Variants in WDR70 observed in about 807,000 individuals in gnomAD.
The protein encoded by WDR70 is WD repeat domain 70.
Under a neutral mutation model 88.6 loss-of-function variants are expected in WDR70, and 53 were observed. The observed-to-expected ratio is 0.60, with a 90% CI of 0.48 to 0.75. The LOEUF (loss-of-function observed/expected upper bound fraction) is 0.75, where lower values mean the gene tolerates loss of function less well. Among genes scored for constraint, WDR70 ranks in the 30% least tolerant of loss-of-function variants. The pLI is 0.00. For missense variants in WDR70, 610 were observed against 823.2 expected, an observed-to-expected ratio of 0.74 and a Z score of 3.17; for synonymous variants, 280 against 270.0, an observed-to-expected ratio of 1.04 and a Z score of -0.36.
chr5:37,717,743 T>C (rs1747690930), intron 13 of WDR70, among the ~76,000 whole-genome samples: 1 of 152,190 alleles, frequency 6.6e-6, no homozygotes, highest in African/African-American at 2.4e-5. Flanking sequence ...AGGGATTGTT[T>C]GGTTTGGCAG....
intron 10 of WDR70, among the ~76,000 whole-genome samples, chr5:37,622,505 A>G (rs1744535999): frequency 6.6e-6 from 1 of 152,294 alleles, no homozygotes; most frequent in Admixed American, 6.5e-5. Flanking sequence ...ATGTCCAACA[A>G]TGATAGACTA....
intron 9 of WDR70, among the ~76,000 whole-genome samples, chr5:37,571,213 C>CA (rs1312986648): frequency 2.0e-5 from 3 of 152,134 alleles, no homozygotes; most frequent in African/African-American, 7.2e-5. Flanking sequence ...GTAGCGCTGC[C>CA]TATTGGATGA....
chr5:37,749,399 T>C (rs577297631), intron 17 of WDR70, among the ~76,000 whole-genome samples: 2 of 152,042 alleles, frequency 1.3e-5, no homozygotes, highest in Admixed American at 6.5e-5. Context: ...GAGTTGAACA[T>C]TGAGAACACA....
chr5:37,415,058 G>A lies in WDR70; in HGVS notation c.492+18488G>A, dbSNP rs1199458743. ...CACCGCCCTTAATCCATTTAACCCT[G>A]AGTGGACACAGCACATGTTTCAGAG... On this transcript the variant is annotated intron_variant, in intron 5 of 17. Coordinates refer to ENST00000265107, the MANE Select transcript of WDR70 (RefSeq NM_018034.4). 2.0e-5 allele frequency among the ~76,000 whole-genome samples: 3 copies of A among 150,960 alleles called. No homozygotes were observed. In the East Asian group the frequency reaches 5.9e-4, roughly 29 times the overall value.
intron 10 of WDR70, among the ~76,000 whole-genome samples, chr5:37,648,461 G>T (rs12656733): frequency 0.22 from 33,790 of 151,906 alleles, 4,601 homozygotes; most frequent in East Asian, 0.54. Context: ...TCTCGACATT[G>T]ACTTGAACTA....
chr5:37,580,775 ATT>A (rs904524130), intron 9 of WDR70, among the ~76,000 whole-genome samples: 1 of 152,086 alleles, frequency 6.6e-6, no homozygotes, highest in African/African-American at 2.4e-5. Context: ...AAGTAACTTT[ATT>A]TTTTTCAACA....
intron 10 of WDR70, among the ~76,000 whole-genome samples, chr5:37,642,570 C>CAA (rs747069254): frequency 7.8e-4 from 119 of 152,218 alleles, no homozygotes; most frequent in Non-Finnish European, 1.2e-3. Context: ...GCAAAAGCTC[C>CAA]AAACTGTTCT....
At position 37,574,751 on chromosome 5, in the gene WDR70, T is replaced by G. The variant is rs538594346; in HGVS notation, c.918-30313T>G. Among the ~76,000 whole-genome samples the G allele has an allele frequency of 1.8e-4, 28 of 152,330 alleles. No individual in the cohort carries two copies. The East Asian group carries it at 5.4e-3, about 29-fold the overall frequency. ...AAACCGGTAGCTCTCCTATTTTTCC[T>G]TATTTCTATAAACAACACTGCACCC... On this transcript the variant is annotated intron_variant, in intron 9 of 17. Coordinates refer to ENST00000265107, the MANE Select transcript of WDR70 (RefSeq NM_018034.4).
At chr5:37,491,112 T>C (rs1740055684) in intron 8 of WDR70, among the ~76,000 whole-genome samples, 1 of 152,116 alleles carries the variant, frequency 6.6e-6, no homozygotes, top group East Asian at 1.9e-4. Context: ...GTGCTATGGC[T>C]AGGATTGCAG....
At chr5:37,501,538 GA>G (rs2112220614) in intron 8 of WDR70, among the ~76,000 whole-genome samples, 1 of 152,306 alleles carries the variant, frequency 6.6e-6, no homozygotes, top group Non-Finnish European at 1.5e-5. Flanking sequence ...AGTATTTTAA[GA>G]AAGTTTACAC....
chr5:37,512,203 C>T (rs1740740824), intron 8 of WDR70, among the ~76,000 whole-genome samples: 2 of 151,924 alleles, frequency 1.3e-5, no homozygotes, highest in South Asian at 4.2e-4. Context: ...GTCTTTTTCT[C>T]TTCTCTTTTC....
At chr5:37,520,128 A>T (rs1275034842) in intron 9 of WDR70, among the ~76,000 whole-genome samples, 1 of 152,194 alleles carries the variant, frequency 6.6e-6, no homozygotes, top group Admixed American at 6.5e-5. Context: ...TTAAAAAAAT[A>T]GGTGGTATTA....
chr5:37,548,966 GT>G (rs1482570985), intron 9 of WDR70, among the ~76,000 whole-genome samples: 1 of 152,060 alleles, frequency 6.6e-6, no homozygotes, highest in East Asian at 1.9e-4. Context: ...GTGTGGATTT[GT>G]TTCTGGATCC....
At chr5:37,419,115 T>C (rs1425625793) in intron 5 of WDR70, among the ~76,000 whole-genome samples, 1 of 152,116 alleles carries the variant, frequency 6.6e-6, no homozygotes, top group Non-Finnish European at 1.5e-5. Flanking sequence ...TCTTTCACTT[T>C]CATTTCTCTT....
intron 9 of WDR70, among the ~76,000 whole-genome samples, chr5:37,532,997 C>T (rs571467632): frequency 6.6e-6 from 1 of 152,266 alleles, no homozygotes; most frequent in East Asian, 1.9e-4. Flanking sequence ...GAATGAGGCT[C>T]CCTGAGAGCC....
chr5:37,597,705 A>G (rs757840410), intron 9 of WDR70, among the ~76,000 whole-genome samples: 2 of 152,090 alleles, frequency 1.3e-5, no homozygotes, highest in Non-Finnish European at 2.9e-5. Flanking sequence ...CCTTTTCACT[A>G]TGCAGGCATG....
At chr5:37,658,912 T>C (rs1320822933) in intron 10 of WDR70, among the ~76,000 whole-genome samples, 1 of 152,172 alleles carries the variant, frequency 6.6e-6, no homozygotes, top group Non-Finnish European at 1.5e-5. Context: ...TCTTCCTAGG[T>C]CCTACTAGAA....
rs1161670804 is a variant in WDR70 at position 37,649,472 on chromosome 5, AG to A, written c.1092+44238del. Among the ~76,000 whole-genome samples, 5 of 149,560 alleles carry A rather than the reference AG, an allele frequency of 3.3e-5. No individual in the cohort carries two copies. The East Asian group carries it at 5.8e-4, about 17-fold the overall frequency. On this transcript the variant is annotated intron_variant, in intron 10 of 17. Coordinates refer to ENST00000265107, the MANE Select transcript of WDR70 (RefSeq NM_018034.4). ...CATACAAGATGGTGGGATGAGAGCA[AG>A]GGGATTGCTTCTTCCTTAATTCGGA...
At chr5:37,495,908 GAAAC>G (rs1309020318) in intron 8 of WDR70, among the ~76,000 whole-genome samples, 2 of 152,142 alleles carry the variant, frequency 1.3e-5, no homozygotes, top group Non-Finnish European at 2.9e-5. Flanking sequence ...TTACAAATAA[GAAAC>G]AACATTCACA....
Sources: allele counts gnomAD v4.1 joint callset (sites outside exome capture counted in the v4.1 genomes callset), GRCh38; gene constraint gnomAD v4.1.1; transcripts MANE v1.5; gene names NCBI Gene and HGNC (gene_info 2026-07-23, HGNC 2026-07-21).